SNX25: variants seen among roughly 807,000 people sequenced by gnomAD.
SNX25 encodes sorting nexin 25.
Under a neutral mutation model 113.7 loss-of-function variants are expected in SNX25, and 62 were observed. That is an observed-to-expected ratio of 0.55 (90% CI 0.44 to 0.67). The LOEUF (loss-of-function observed/expected upper bound fraction) is 0.67, where lower values mean the gene tolerates loss of function less well. Among genes scored for constraint, SNX25 ranks in the 30% least tolerant of loss-of-function variants. The probability of loss-of-function intolerance (pLI) is 0.00; values close to 1 mark genes in which losing one functional copy is unlikely to be tolerated. For missense variants in SNX25, 1,014 were observed against 1,161.0 expected, an observed-to-expected ratio of 0.87 and a Z score of 1.84; for synonymous variants, 421 against 436.2, an observed-to-expected ratio of 0.97 and a Z score of 0.43.
chr4:185,252,829 T>A (rs1217942320), intron 2 of SNX25, among the ~76,000 whole-genome samples: 2 of 152,198 alleles, frequency 1.3e-5, no homozygotes, highest in African/African-American at 4.8e-5. Context: ...TGTGGAACAA[T>A]ATGAAATACT....
chr4:185,313,860 G>A (rs570052797), intron 7 of SNX25, among the ~76,000 whole-genome samples: 1 of 152,246 alleles, frequency 6.6e-6, no homozygotes, highest in Non-Finnish European at 1.5e-5. Context: ...TGTATGTTAT[G>A]TGTATTATAT....
chr4:185,350,908 G>A (rs186317531), intron 13 of SNX25, among the ~76,000 whole-genome samples: 60 of 152,286 alleles, frequency 3.9e-4, no homozygotes, highest in Non-Finnish European at 7.2e-4. Context: ...ATGTAAATGC[G>A]CACTGCCTGG....
chr4:185,256,914 G>C (rs1420351756), intron 2 of SNX25, among the ~76,000 whole-genome samples: 2 of 151,972 alleles, frequency 1.3e-5, no homozygotes, highest in Admixed American at 6.6e-5. Flanking sequence ...ATGAGCCACT[G>C]TGCCCAGCCA....
In SNX25 at chr4:185,353,297, A is replaced by G. The variant is rs186011314; in HGVS notation, c.2467-188A>G. On this transcript the variant is annotated intron_variant, in intron 14 of 18. Transcript: ENST00000652585. Reference sequence around the variant, plus strand: ...AATTAGCTTATTTTAAGCCTTGAATAAGGCTCGAGAATCAAGCTTTTCTGA... The same window carrying G: ...AATTAGCTTATTTTAAGCCTTGAATGAGGCTCGAGAATCAAGCTTTTCTGA... 270 of 495,572 alleles carry G rather than the reference A, an allele frequency of 5.4e-4. 1 individual carries two copies. Among genetic ancestry groups the G allele is most frequent in the Middle Eastern group, 4.2e-3 (8 of 1,894 alleles). 30.7% of individuals were successfully genotyped at this position (495,572 alleles called of 1,614,324 possible). A position where few individuals can be genotyped will look rare whatever the true frequency, so the allele number is the denominator to read the frequency against.
rs768319411 is a variant in SNX25 at position 185,258,857 on chromosome 4, A to G, written c.524A>G (p.Tyr175Cys). 13 of 1,610,248 alleles carry G rather than the reference A, an allele frequency of 8.1e-6. No homozygotes were observed. The highest frequency in any genetic ancestry group is 4.4e-5 in the South Asian group (4 of 90,970). The change falls in exon 3 of 19, where the codon TAC (tyrosine) becomes TGC (cysteine). Residue 175 changes from tyrosine (Y) to cysteine (C), a missense_variant. Coordinates refer to ENST00000652585, the MANE Select transcript of SNX25 (RefSeq NM_001378034.2). ...TGTTTATTCCTGGTAGTGTTCGACTACAGTTATAGAGATTACATTCTGTCC... is the reference window on the plus strand; with the variant it reads ...TGTTTATTCCTGGTAGTGTTCGACTGCAGTTATAGAGATTACATTCTGTCC... ...MDKALKEVFD[Y>C]SYRDYILSWY...
chr4:185,350,907 C>T (rs748440516), intron 13 of SNX25, among the ~76,000 whole-genome samples: 19 of 152,124 alleles, frequency 1.2e-4, no homozygotes, highest in Admixed American at 2.6e-4. Flanking sequence ...TATGTAAATG[C>T]GCACTGCCTG....
chr4:185,293,664 A>G (rs1251885187), intron 6 of SNX25, among the ~76,000 whole-genome samples: 1 of 152,080 alleles, frequency 6.6e-6, no homozygotes, highest in Non-Finnish European at 1.5e-5. Flanking sequence ...TTTTTATGTC[A>G]TTTATTAGAT....
At chr4:185,239,241 G>T (rs188994678) in intron 1 of SNX25, among the ~76,000 whole-genome samples, 2 of 132,672 alleles carry the variant, frequency 1.5e-5, no homozygotes, top group Admixed American at 7.7e-5. Context: ...CAGCACTTTG[G>T]GAGGCCAAGG....
chr4:185,373,926 C>T (rs888672924), downstream of SNX25, among the ~76,000 whole-genome samples: 39 of 152,128 alleles, frequency 2.6e-4, no homozygotes, highest in Admixed American at 8.5e-4. Context: ...ACAAAATACT[C>T]TCACATTCAT....
chr4:185,254,131 A>G (rs938367637), intron 2 of SNX25, among the ~76,000 whole-genome samples: 2 of 152,168 alleles, frequency 1.3e-5, no homozygotes, highest in African/African-American at 4.8e-5. Flanking sequence ...CCCACCCTTT[A>G]GAAAGCTCAA....
Position 185,339,464 on chromosome 4 carries a change from G to A in SNX25, c.2000G>A (p.Trp667Ter). Reference protein sequence around the residue: ...LQLHMARTDWWCENLGMWKAS... With the variant: ...LQLHMARTDW ...CTGCACATGGCAAGAACGGATTGGTGGTGTGAAAACCTTGGCATGTGGAAA... is the reference window on the plus strand; with the variant it reads ...CTGCACATGGCAAGAACGGATTGGTAGTGTGAAAACCTTGGCATGTGGAAA... The change falls in exon 11 of 19, where the codon TGG becomes TAG. Residue 667 changes from tryptophan (W) to a stop codon, truncating the protein, a stop_gained. Transcript: ENST00000652585. LOFTEE classifies it high-confidence loss of function. The A allele has an allele frequency of 6.2e-7, 1 of 1,614,048 alleles. No homozygotes were observed. Among genetic ancestry groups the A allele is most frequent in the Non-Finnish European group, 8.5e-7 (1 of 1,179,952 alleles).
intron 6 of SNX25, among the ~76,000 whole-genome samples, chr4:185,298,396 ACTT>A (rs1418958316): frequency 1.5e-4 from 23 of 152,008 alleles, no homozygotes; most frequent in African/African-American, 5.3e-4. Flanking sequence ...ACCTATAGTA[ACTT>A]CTTAATTGGC....
intron 5 of SNX25, among the ~76,000 whole-genome samples, chr4:185,277,529 C>T (rs114349588): frequency 5.9e-5 from 9 of 151,882 alleles, no homozygotes; most frequent in East Asian, 3.9e-4. Flanking sequence ...CCGCCATGGC[C>T]GATTTAAAGC....
At chr4:185,245,350 T>C (rs1037090180) in intron 1 of SNX25, among the ~76,000 whole-genome samples, 1 of 152,072 alleles carries the variant, frequency 6.6e-6, no homozygotes, top group African/African-American at 2.4e-5. Context: ...AGTATCTTTT[T>C]TTTTTCTCCC....
At chr4:185,310,533 T>TG in intron 6 of SNX25, 102 bp from the exon 7 acceptor site, 1 of 918,544 alleles carries the variant, frequency 1.1e-6, no homozygotes, top group South Asian at 2.6e-5. Context: ...TAGTATCCAC[T>TG]TGGTTCAGAA....
intron 1 of SNX25, among the ~76,000 whole-genome samples, chr4:185,221,336 G>T (rs72706093): frequency 0.094 from 14,354 of 151,992 alleles, 800 homozygotes; most frequent in Non-Finnish European, 0.13. Context: ...CCTGACCCGG[G>T]CTAATTAAAA....
intron 2 of SNX25, among the ~76,000 whole-genome samples, chr4:185,255,395 A>G (rs1746272604): frequency 6.6e-6 from 1 of 152,142 alleles, no homozygotes; most frequent in Non-Finnish European, 1.5e-5. Flanking sequence ...CAGCCTCCCA[A>G]AGTGCTGGGA....
intron 5 of SNX25, 101 bp downstream of exon 5, chr4:185,267,256 T>A: frequency 4.4e-6 from 5 of 1,139,370 alleles, no homozygotes; most frequent in Non-Finnish European, 6.4e-6. Context: ...GAAGCAGAAA[T>A]AAAACAAGTC....
intron 8 of SNX25, among the ~76,000 whole-genome samples, chr4:185,322,606 A>G (rs1435541317): frequency 1.3e-5 from 2 of 152,192 alleles, no homozygotes; most frequent in Non-Finnish European, 2.9e-5. Flanking sequence ...ACAAGCCCCA[A>G]ATTACCTAAT....
Sources: gnomAD v4.1 joint callset for allele counts (sites outside exome capture counted in the v4.1 genomes callset) on GRCh38, gnomAD v4.1.1 for gene constraint, MANE v1.5 for transcripts, NCBI Gene and HGNC (gene_info 2026-07-23, HGNC 2026-07-21) for gene names.